COL4A5: variants seen among roughly 807,000 people sequenced by gnomAD.
The protein encoded by COL4A5 is collagen type IV alpha 5 chain, also known as collagen alpha-5(IV) chain.
COL4A5 carries 26 observed loss-of-function variants against 130.2 expected under a neutral mutation model. The ratio of observed to expected loss-of-function variants is 0.20; its 90% CI spans 0.15 to 0.28. The LOEUF (loss-of-function observed/expected upper bound fraction) is 0.28. Ranked by LOEUF, COL4A5 falls within the 10% of genes least tolerant of loss-of-function variation. The pLI, the probability that COL4A5 is intolerant of heterozygous loss-of-function variation, is 1.00. For missense variants in COL4A5, 1,131 were observed against 1,344.3 expected, an observed-to-expected ratio of 0.84 and a Z score of 2.48; for synonymous variants, 496 against 439.6, an observed-to-expected ratio of 1.13 and a Z score of -1.60.
chrX:108,507,247 CAAAAAAAA>C (rs1195605237), intron 1 of COL4A5, among the ~76,000 whole-genome samples: 8 of 50,880 alleles, frequency 1.6e-4, no homozygotes, highest in African/African-American at 4.2e-4. Flanking sequence ...ACAACAACAA[CAAAAAAAA>C]AAAAAAGAAA....
At chrX:108,598,600 A>G (rs192379120) in intron 24 of COL4A5, 102 bp from the exon 25 acceptor site, 4 of 748,822 alleles carry the variant, frequency 5.3e-6, no homozygotes, top group Non-Finnish European at 4.1e-6. Flanking sequence ...GCTTTTAAGA[A>G]GAACTATTTA....
chrX:108,531,130 G>A (rs1420445135), intron 1 of COL4A5, among the ~76,000 whole-genome samples: 3 of 99,654 alleles, frequency 3.0e-5, no homozygotes, highest in African/African-American at 1.1e-4. Context: ...AGCACCACAT[G>A]TTCTCACTCA....
intron 36 of COL4A5, among the ~76,000 whole-genome samples, chrX:108,641,968 C>T (rs2067476158): frequency 8.9e-6 from 1 of 112,009 alleles, no homozygotes. Context: ...TCTTTTGCAG[C>T]TTGGTGGCAG....
chrX:108,540,102 T>C (rs1303802922), intron 2 of COL4A5, among the ~76,000 whole-genome samples: 1 of 111,806 alleles, frequency 8.9e-6, no homozygotes, highest in Admixed American at 9.5e-5. Flanking sequence ...TATTCTTAGC[T>C]CTTGGATCAT....
chrX:108,539,857 G>A (rs1261901458), intron 2 of COL4A5, 52 bp downstream of exon 2: 4 of 988,787 alleles, frequency 4.0e-6, no homozygotes, highest in Non-Finnish European at 5.8e-6. Flanking sequence ...TAAACTAATG[G>A]TTTTAATAAA....
chrX:108,644,473 C>A (rs935235496), intron 36 of COL4A5, among the ~76,000 whole-genome samples: 6 of 112,108 alleles, frequency 5.4e-5, no homozygotes, highest in Non-Finnish European at 7.5e-5. Context: ...CCAAGATAGA[C>A]CATATGATAG....
intron 2 of COL4A5, among the ~76,000 whole-genome samples, chrX:108,548,405 A>G (rs2065699211): frequency 8.9e-6 from 1 of 112,068 alleles, no homozygotes; most frequent in Non-Finnish European, 1.9e-5. Context: ...AAACAACTGA[A>G]TCTGAAGAGC....
In COL4A5 at chrX:108,523,703, C is replaced by T. The variant is rs780663292; in HGVS notation, c.82-16043C>T. ...AATGTAGGGAGCATTATCATCTTAGCAATATTAAGTCTTCTGATCCATGAA... is the reference window on the plus strand; with the variant it reads ...AATGTAGGGAGCATTATCATCTTAGTAATATTAAGTCTTCTGATCCATGAA... On this transcript the variant is annotated intron_variant, in intron 1 of 52. Transcript: ENST00000328300. Among the ~76,000 whole-genome samples the T allele has an allele frequency of 2.7e-5, 3 of 111,653 alleles. No individual in the cohort carries two copies. The South Asian group carries it at 1.1e-3, about 42-fold the overall frequency.
Position 108,439,927 on chromosome X carries a change from G to T in COL4A5, c.-199G>T. The T allele has an allele frequency of 2.3e-6, 1 of 435,167 alleles. No individual in the cohort carries two copies. The highest frequency in any genetic ancestry group is 4.0e-6 in the Non-Finnish European group (1 of 250,204). The allele number at this position is 435,167 out of a possible 1,213,427, so 35.9% of individuals were successfully genotyped here. A position where few individuals can be genotyped will look rare whatever the true frequency, so the allele number is the denominator to read the frequency against. ...AGAGACCGGCTTTGGGGAGGGGAGGGGGGAAGGAAGAGTAGCTCCTTCTTC... is the reference window on the plus strand; with the variant it reads ...AGAGACCGGCTTTGGGGAGGGGAGGTGGGAAGGAAGAGTAGCTCCTTCTTC... On this transcript the variant is annotated 5_prime_UTR_variant, in exon 1 of 53. Coordinates refer to ENST00000328300, the MANE Select transcript of COL4A5 (RefSeq NM_033380.3).
At chrX:108,629,637 G>A (rs941450104) in intron 36 of COL4A5, among the ~76,000 whole-genome samples, 18 of 111,232 alleles carry the variant, frequency 1.6e-4, no homozygotes, top group Non-Finnish European at 2.5e-4. Context: ...GAAAGATCAG[G>A]AGCATAGTTT....
chrX:108,441,157 A>G (rs989819827), intron 1 of COL4A5, among the ~76,000 whole-genome samples: 5 of 112,239 alleles, frequency 4.5e-5, no homozygotes, highest in African/African-American at 1.6e-4. Flanking sequence ...TAAAAAAATG[A>G]ATGGCTTTGT....
intron 1 of COL4A5, among the ~76,000 whole-genome samples, chrX:108,522,337 C>T (rs1445873197): frequency 9.3e-6 from 1 of 107,668 alleles, no homozygotes; most frequent in African/African-American, 3.4e-5. Flanking sequence ...TGCTGGATCA[C>T]GTTTACTTTG....
At chrX:108,470,362 T>C (rs1388662165) in intron 1 of COL4A5, among the ~76,000 whole-genome samples, 1 of 112,454 alleles carries the variant, frequency 8.9e-6, no homozygotes, top group Non-Finnish European at 1.9e-5. Flanking sequence ...AGATGGTATA[T>C]CATTGTGGTT....
chrX:108,496,953 A>G (rs920582805), intron 1 of COL4A5, among the ~76,000 whole-genome samples: 5 of 111,963 alleles, frequency 4.5e-5, no homozygotes, highest in African/African-American at 1.6e-4. Context: ...CTGTACAATC[A>G]TACTCACAGT....
At position 108,530,343 on chromosome X, in the gene COL4A5, T is replaced by C. The variant is rs1336603252; in HGVS notation, c.82-9403T>C. ...AAATTATGATGGAAATTTAAAAATT[T>C]ATTTGACAAATGGGATCTAATTAAA... On this transcript the variant is annotated intron_variant, in intron 1 of 52. Transcript: ENST00000328300. Among the ~76,000 whole-genome samples, 4 of 110,729 alleles carry C rather than the reference T, an allele frequency of 3.6e-5. No homozygotes were observed. The Admixed American group carries it at 3.8e-4, about 11-fold the overall frequency.
chrX:108,565,744 G>A (rs768176289), intron 4 of COL4A5, among the ~76,000 whole-genome samples: 2 of 111,575 alleles, frequency 1.8e-5, no homozygotes, highest in Admixed American at 1.9e-4. Context: ...GTTTCCTCAT[G>A]ATGTCATTTA....
At chrX:108,564,912 C>T (rs1317415295) in intron 4 of COL4A5, among the ~76,000 whole-genome samples, 1 of 111,074 alleles carries the variant, frequency 9.0e-6, no homozygotes, top group East Asian at 2.8e-4. Flanking sequence ...GTGACTGATA[C>T]GGATAGGGTA....
intron 17 of COL4A5, among the ~76,000 whole-genome samples, chrX:108,583,478 C>T (rs981088005): frequency 5.4e-5 from 6 of 111,676 alleles, no homozygotes; most frequent in Non-Finnish European, 9.4e-5. Flanking sequence ...CATACAATTA[C>T]CAGATTTTTA....
chrX:108,549,681 A>G (rs2065720310), intron 2 of COL4A5, among the ~76,000 whole-genome samples: 1 of 111,579 alleles, frequency 9.0e-6, no homozygotes, highest in Non-Finnish European at 1.9e-5. Flanking sequence ...GAAGCTAGAA[A>G]AGGACAAGCA....
Sources: gnomAD v4.1 joint callset for allele counts (sites outside exome capture counted in the v4.1 genomes callset) on GRCh38, gnomAD v4.1.1 for gene constraint, MANE v1.5 for transcripts, NCBI Gene and HGNC (gene_info 2026-07-23, HGNC 2026-07-21) for gene names.